Variants in CELF2 observed in about 807,000 individuals in gnomAD.
The protein encoded by CELF2 is CUG triplet repeat RNA-binding protein 2.
CELF2 carries 8 observed loss-of-function variants against 62.6 expected under a neutral mutation model. The ratio of observed to expected loss-of-function variants is 0.13; its 90% CI spans 0.07 to 0.23. The LOEUF is 0.23. Ranked by LOEUF, CELF2 falls within the 10% of genes least tolerant of loss-of-function variation. The pLI, the probability that CELF2 is intolerant of heterozygous loss-of-function variation, is 1.00. For synonymous variants in CELF2, 258 were observed against 250.0 expected (o/e 1.03, Z -0.30); for missense variants, 333 against 671.0 (o/e 0.50, Z 5.56).
At chr10:11,327,083 G>T (rs2095782049) in intron 12 of CELF2, among the ~76,000 whole-genome samples, 2 of 151,676 alleles carry the variant, frequency 1.3e-5, no homozygotes, top group Admixed American at 6.6e-5. Context: ...CAGTCACCAC[G>T]TTACCCTAGC....
chr10:11,231,887 TTAAAA>T (rs148247052), intron 3 of CELF2, among the ~76,000 whole-genome samples: 2,349 of 148,524 alleles, frequency 0.016, 62 homozygotes, highest in African/African-American at 0.059. Context: ...AAAAAATAAA[TTAAAA>T]TCTTTCATCA....
chr10:11,230,512 A>T (rs1248155916), intron 3 of CELF2, among the ~76,000 whole-genome samples: 1 of 152,164 alleles, frequency 6.6e-6, no homozygotes, highest in Non-Finnish European at 1.5e-5. Context: ...GTCAAGAGAG[A>T]TCCTCTGGAG....
chr10:10,932,224 GA>G (rs1448822158), intron 2 of CELF2, among the ~76,000 whole-genome samples: 1 of 152,154 alleles, frequency 6.6e-6, no homozygotes, highest in Non-Finnish European at 1.5e-5. Flanking sequence ...CCAACTCATA[GA>G]AGCAGAGTAG....
intron 1 of CELF2, among the ~76,000 whole-genome samples, chr10:10,839,811 A>T (rs2132475967): frequency 6.6e-6 from 1 of 152,372 alleles, no homozygotes; most frequent in South Asian, 2.1e-4. Flanking sequence ...CACATCCACC[A>T]TTATATTATC....
At chr10:11,032,209 T>C (rs1436127113) in intron 1 of CELF2, among the ~76,000 whole-genome samples, 2 of 148,148 alleles carry the variant, frequency 1.3e-5, no homozygotes, top group East Asian at 3.9e-4. Context: ...ATGGGCTCTT[T>C]CTTTGTCCTT....
chr10:10,902,731 T>C (rs1174125025), intron 1 of CELF2, among the ~76,000 whole-genome samples: 1 of 151,748 alleles, frequency 6.6e-6, no homozygotes, highest in Non-Finnish European at 1.5e-5. Context: ...GTGGGTGTAG[T>C]TGATCATCTG....
chr10:10,522,679 C>T, the CELF2 span, among the ~76,000 whole-genome samples: 3 of 152,158 alleles, frequency 2.0e-5, no homozygotes, highest in Admixed American at 2.0e-4. Flanking sequence ...AAGCAATCCT[C>T]CTGCCTCAAC....
At chr10:11,192,010 A>G (rs564002594) in intron 2 of CELF2, among the ~76,000 whole-genome samples, 6 of 152,204 alleles carry the variant, frequency 3.9e-5, no homozygotes, top group African/African-American at 1.2e-4. Context: ...AGAATAGCCA[A>G]TTAGTATTGA....
the CELF2 span, among the ~76,000 whole-genome samples, chr10:10,546,401 C>T: frequency 6.6e-6 from 1 of 152,200 alleles, no homozygotes; most frequent in Non-Finnish European, 1.5e-5. Context: ...TTTTGGTTAA[C>T]TGGAACTAGT....
chr10:10,805,212 C>T (rs2055088591), intron 1 of CELF2, among the ~76,000 whole-genome samples: 1 of 152,178 alleles, frequency 6.6e-6, no homozygotes, highest in Non-Finnish European at 1.5e-5. Flanking sequence ...CATCCAAACA[C>T]ACACATACAA....
intron 1 of CELF2, among the ~76,000 whole-genome samples, chr10:11,093,516 A>G (rs959361339): frequency 9.2e-5 from 14 of 152,232 alleles, no homozygotes; most frequent in Non-Finnish European, 1.6e-4. Context: ...CAATAGCCCT[A>G]TGCATATCCC....
At chr10:11,188,865 C>A (rs2075644469) in intron 2 of CELF2, among the ~76,000 whole-genome samples, 1 of 152,128 alleles carries the variant, frequency 6.6e-6, no homozygotes, top group African/African-American at 2.4e-5. Flanking sequence ...TTTTGAAACA[C>A]AGTTCACTCA....
chr10:11,176,135 C>CT (rs2071005202), intron 2 of CELF2, among the ~76,000 whole-genome samples: 2 of 152,166 alleles, frequency 1.3e-5, no homozygotes. Context: ...TGGTACACGT[C>CT]TGACGTTTTT....
the CELF2 span, among the ~76,000 whole-genome samples, chr10:10,480,440 C>G: frequency 7.9e-5 from 12 of 152,196 alleles, no homozygotes; most frequent in Admixed American, 5.9e-4. Flanking sequence ...CTGTGTGGCT[C>G]TCTCAATTTG....
At chr10:10,744,000 T>C in the CELF2 span, among the ~76,000 whole-genome samples, 1 of 152,224 alleles carries the variant, frequency 6.6e-6, no homozygotes, top group Non-Finnish European at 1.5e-5. Flanking sequence ...TTCTTTATGT[T>C]GTGTTCTACC....
the CELF2 span, among the ~76,000 whole-genome samples, chr10:10,500,374 C>G: frequency 1.3e-5 from 2 of 152,104 alleles, no homozygotes; most frequent in African/African-American, 4.8e-5. Context: ...CATCTTGAAT[C>G]GTAGCTTCTA....
rs2762542 is a variant in CELF2, at chr10:11,075,759, G to A, written c.74+57596G>A. Among the ~76,000 whole-genome samples, 41,225 of 151,820 alleles carry A rather than the reference G, an allele frequency of 0.27. 6,184 individuals carry two copies. The highest frequency in any genetic ancestry group is 0.39 in the African/African-American group (15,963 of 41,336). On this transcript the variant is annotated intron_variant, in intron 1 of 12. Transcript: ENST00000633077. The surrounding 1 kb of genome is among the most constrained non-coding windows in gnomAD (Gnocchi z 5.4). The stretch of plus-strand genomic sequence containing the variant: ...TTCTTAGGAAGGAGGAGTGATTCCT[G>A]AAGGATCCAGGCAAGCAGGTGCTAT...
chr10:11,047,543 A>G (rs2063084142), intron 1 of CELF2, among the ~76,000 whole-genome samples: 1 of 152,214 alleles, frequency 6.6e-6, no homozygotes, highest in African/African-American at 2.4e-5. Context: ...GATTTTGGGA[A>G]GTACTGTGTG....
intron 1 of CELF2, among the ~76,000 whole-genome samples, chr10:11,154,983 A>G (rs1194281150): frequency 4.6e-5 from 7 of 152,242 alleles, no homozygotes; most frequent in African/African-American, 1.7e-4. Flanking sequence ...ATTGAATGAC[A>G]GCAAATTAGA....
Sources: allele counts gnomAD v4.1 joint callset (sites outside exome capture counted in the v4.1 genomes callset), GRCh38; gene constraint gnomAD v4.1.1; non-coding constraint Gnocchi (gnomAD v3.1); transcripts MANE v1.5; gene names NCBI Gene and HGNC (gene_info 2026-07-23, HGNC 2026-07-21).